The following RBFOX1 variants were observed in gnomAD, a reference collection of about 807,000 sequenced individuals.
RBFOX1 encodes the protein RNA binding fox-1 homolog 1.
In RBFOX1, 8 loss-of-function variants were observed where a neutral mutation model predicts 57.7. The observed-to-expected ratio is 0.14, with a 90% confidence interval of 0.08 to 0.25. The LOEUF is 0.25. Among genes scored for constraint, RBFOX1 ranks in the 10% least tolerant of loss-of-function variants. RBFOX1 has a pLI of 1.00. For missense variants in RBFOX1, 611 were observed against 548.5 expected (o/e 1.11, Z -1.14); for synonymous variants, 326 against 222.4 (o/e 1.47, Z -4.15).
chr16:7,507,664 C>T (rs1401476686), intron 4 of RBFOX1, among the ~76,000 whole-genome samples: 2 of 144,016 alleles, frequency 1.4e-5, no homozygotes, highest in Admixed American at 7.3e-5. Context: ...CCCGGGTTCA[C>T]GCCATTCTTC....
intron 3 of RBFOX1, among the ~76,000 whole-genome samples, chr16:5,627,605 C>T (rs2048382583): frequency 6.6e-6 from 1 of 152,098 alleles, no homozygotes; most frequent in Non-Finnish European, 1.5e-5. Context: ...TTATAAATAA[C>T]AACAAACTAA....
intron 3 of RBFOX1, among the ~76,000 whole-genome samples, chr16:5,702,397 C>G (rs2051084987): frequency 6.6e-6 from 1 of 152,200 alleles, no homozygotes; most frequent in Admixed American, 6.5e-5. Context: ...ATGATGCAGT[C>G]ACCTCCCACC....
At chr16:6,883,229 C>A (rs1017363729) in intron 3 of RBFOX1, among the ~76,000 whole-genome samples, 1 of 152,182 alleles carries the variant, frequency 6.6e-6, no homozygotes. Context: ...AGAAATCTCG[C>A]TTTGCTACAC....
chr16:5,967,155 G>A (rs1201766800), intron 4 of RBFOX1, among the ~76,000 whole-genome samples: 1 of 151,960 alleles, frequency 6.6e-6, no homozygotes, highest in Admixed American at 6.6e-5. Context: ...CATCTGGCCC[G>A]CAAAGCCACA....
At chr16:7,538,036 G>A (rs713115) in intron 5 of RBFOX1, among the ~76,000 whole-genome samples, 115,896 of 152,088 alleles carry the variant, frequency 0.76, 45,618 homozygotes, top group Middle Eastern at 0.88. Context: ...GTCTGTGCCC[G>A]GAAAGAGTGA....
At chr16:7,621,260 T>C (rs960172727) in intron 10 of RBFOX1, among the ~76,000 whole-genome samples, 4 of 152,182 alleles carry the variant, frequency 2.6e-5, no homozygotes, top group East Asian at 3.8e-4. Flanking sequence ...GAATAACTTT[T>C]TGAATTTTTT....
intron 14 of RBFOX1, among the ~76,000 whole-genome samples, chr16:7,708,786 T>C (rs2083319119): frequency 6.6e-6 from 1 of 151,260 alleles, no homozygotes; most frequent in Non-Finnish European, 1.5e-5. Flanking sequence ...AGAAACAGTA[T>C]TATGGGGGGA....
At chr16:7,026,926 G>A (rs764837848) in intron 3 of RBFOX1, among the ~76,000 whole-genome samples, 26 of 152,108 alleles carry the variant, frequency 1.7e-4, no homozygotes, top group Non-Finnish European at 3.1e-4. Context: ...CGGAGCTGGC[G>A]GCCTCCCAGG....
At chr16:7,197,545 A>C (rs1418970498) in intron 4 of RBFOX1, among the ~76,000 whole-genome samples, 1 of 152,048 alleles carries the variant, frequency 6.6e-6, no homozygotes, top group Non-Finnish European at 1.5e-5. Context: ...ACATAAAATT[A>C]CCACATTACC....
At chr16:6,442,855 C>T (rs1018595490) in intron 2 of RBFOX1, among the ~76,000 whole-genome samples, 1 of 152,150 alleles carries the variant, frequency 6.6e-6, no homozygotes, top group Non-Finnish European at 1.5e-5. Context: ...ATATGAAAAC[C>T]TTGGAATATG....
chr16:6,992,555 G>T (rs1163605337), intron 3 of RBFOX1, among the ~76,000 whole-genome samples: 2 of 152,064 alleles, frequency 1.3e-5, no homozygotes, highest in Non-Finnish European at 2.9e-5. Context: ...TCCAAGGTCA[G>T]CTTGGGTTCC....
intron 14 of RBFOX1, among the ~76,000 whole-genome samples, chr16:7,698,946 C>T (rs933260178): frequency 1.3e-5 from 2 of 152,154 alleles, no homozygotes; most frequent in Non-Finnish European, 2.9e-5. Flanking sequence ...TGGGAAAGTG[C>T]TGTATCCATG....
intron 3 of RBFOX1, among the ~76,000 whole-genome samples, chr16:6,947,188 A>T (rs1012154706): frequency 2.8e-4 from 43 of 152,144 alleles, no homozygotes; most frequent in African/African-American, 9.9e-4. Context: ...TCAACTCTTT[A>T]TGTGAAGGAT....
At chr16:5,871,666 C>A (rs571293550) in intron 4 of RBFOX1, among the ~76,000 whole-genome samples, 3 of 152,190 alleles carry the variant, frequency 2.0e-5, no homozygotes, top group African/African-American at 7.2e-5. Context: ...GATCTGAGAC[C>A]CAGCCCCACG....
intron 9 of RBFOX1, among the ~76,000 whole-genome samples, chr16:7,602,941 A>G (rs189071229): frequency 7.9e-5 from 12 of 152,344 alleles, no homozygotes; most frequent in East Asian, 3.9e-4. Context: ...GGAACTTCAG[A>G]AACTGTACAA....
chr16:5,476,026 A>G (rs929835382), intron 2 of RBFOX1, among the ~76,000 whole-genome samples: 6 of 152,132 alleles, frequency 3.9e-5, no homozygotes, highest in African/African-American at 1.4e-4. Flanking sequence ...ATTTATACCA[A>G]GCAGCTCATC....
chr16:7,094,460 A>G (rs369741369), intron 4 of RBFOX1, among the ~76,000 whole-genome samples: 97 of 152,188 alleles, frequency 6.4e-4, no homozygotes, highest in African/African-American at 2.1e-3. Context: ...GAGACATGCA[A>G]TGCTATTTCA....
chr16:5,850,915 T>C (rs1597485763), intron 3 of RBFOX1, among the ~76,000 whole-genome samples: 1 of 152,254 alleles, frequency 6.6e-6, no homozygotes. Context: ...GGACAGCAGG[T>C]GCGCAGCCTG....
At chr16:7,469,508 C>G (rs1341765982) in intron 4 of RBFOX1, among the ~76,000 whole-genome samples, 2 of 152,096 alleles carry the variant, frequency 1.3e-5, no homozygotes, top group South Asian at 2.1e-4. Flanking sequence ...CATATCTCAG[C>G]TTGCATGTGG....
Sources: gnomAD v4.1 joint callset for allele counts (sites outside exome capture counted in the v4.1 genomes callset) on GRCh38, gnomAD v4.1.1 for gene constraint, MANE v1.5 for transcripts, NCBI Gene and HGNC (gene_info 2026-07-23, HGNC 2026-07-21) for gene names.